DNAJC16: variants seen among roughly 807,000 people sequenced by gnomAD.
The protein encoded by DNAJC16 is dnaJ homolog subfamily C member 16.
In DNAJC16, 76 loss-of-function variants were observed where a neutral mutation model predicts 92.7. The ratio of observed to expected loss-of-function variants is 0.82; its 90% confidence interval spans 0.68 to 0.99. The LOEUF is 0.99. Among genes scored for constraint, DNAJC16 ranks in the 50% least tolerant of loss-of-function variants. The pLI is 0.00. For synonymous variants in DNAJC16, 328 were observed against 358.7 expected, an observed-to-expected ratio of 0.91 and a Z score of 0.97; for missense variants, 869 against 942.4, an observed-to-expected ratio of 0.92 and a Z score of 1.02.
rs1638797340 is a variant in DNAJC16, at chr1:15,566,011, G to A, written c.1679+12G>A. The A allele has an allele frequency of 3.1e-6, 5 of 1,613,762 alleles. No individual in the cohort carries two copies. The highest frequency in any genetic ancestry group is 1.7e-5 in the Admixed American group (1 of 59,938). ...GTTCAGGCTTTCAGGTAAATGTCCT[G>A]TGGCTTCTCGGTGCACCACCATGGT... On this transcript the variant is annotated intron_variant, in intron 12 of 14. Coordinates refer to ENST00000375847, the MANE Select transcript of DNAJC16 (RefSeq NM_015291.4).
Position 15,544,270 on chromosome 1 carries a change from ACAGTCTATTAGGAAAGACATCT to A in DNAJC16, c.575-127_575-106del, listed in dbSNP as rs1363205972. On this transcript the variant is annotated intron_variant, in intron 4 of 14. Transcript: ENST00000375847. ...AATTCCAGCAGTGAAAGAATGCTAG[ACAGTCTATTAGGAAAGACATCT>A]CCTATGAGGTCGGGATTTCAATTTC... 4.8e-5 allele frequency: 42 copies of A among 884,096 alleles called. No individual in the cohort carries two copies. In the African/African-American group the frequency reaches 6.1e-4, roughly 13 times the overall value. 54.8% of individuals were successfully genotyped at this position (884,096 alleles called of 1,614,324 possible).
At chr1:15,541,040 C>T (rs769832267) in intron 4 of DNAJC16, among the ~76,000 whole-genome samples, 1 of 152,194 alleles carries the variant, frequency 6.6e-6, no homozygotes. Context: ...GCCTCACCCT[C>T]CCCCAGCTTC....
chr1:15,552,771 T>A (rs1338479611), intron 7 of DNAJC16, among the ~76,000 whole-genome samples: 5 of 139,144 alleles, frequency 3.6e-5, no homozygotes, highest in Admixed American at 1.4e-4. Flanking sequence ...TTATTATTTA[T>A]TTTTTTTTTT....
intron 1 of DNAJC16, 62 bp from the exon 2 acceptor site, chr1:15,529,026 C>G (rs1710589665): frequency 1.1e-5 from 16 of 1,481,254 alleles, no homozygotes; most frequent in Non-Finnish European, 1.5e-5. Flanking sequence ...ATACCTTTAC[C>G]TAAAAAGCAA....
At chr1:15,566,236 T>C (rs1412296071) in intron 13 of DNAJC16, 56 bp downstream of exon 13, 1 of 1,392,896 alleles carries the variant, frequency 7.2e-7, no homozygotes, top group Non-Finnish European at 1.0e-6. Flanking sequence ...CCAGATCCTG[T>C]CATCTGATAA....
At chr1:15,552,608 AG>A (rs1455096677) in intron 7 of DNAJC16, among the ~76,000 whole-genome samples, 1 of 152,060 alleles carries the variant, frequency 6.6e-6, no homozygotes, top group Non-Finnish European at 1.5e-5. Context: ...TATAAGTGCA[AG>A]GAACACAGAT....
At chr1:15,555,094 G>A (rs562992576) in intron 7 of DNAJC16, among the ~76,000 whole-genome samples, 2 of 149,928 alleles carry the variant, frequency 1.3e-5, no homozygotes, top group East Asian at 2.0e-4. Context: ...AAAGAATGTA[G>A]GCCAGGCGCG....
At chr1:15,536,322 C>T (rs1377010722) in intron 3 of DNAJC16, among the ~76,000 whole-genome samples, 153 bp from the exon 4 acceptor site, 1 of 152,022 alleles carries the variant, frequency 6.6e-6, no homozygotes, top group Non-Finnish European at 1.5e-5. Context: ...TCAAGTGATC[C>T]ACCCGCCTCA....
intron 11 of DNAJC16, among the ~76,000 whole-genome samples, chr1:15,564,825 G>A (rs903293677): frequency 4.0e-5 from 6 of 150,036 alleles, no homozygotes; most frequent in East Asian, 2.0e-4. Flanking sequence ...CACTGCTCCC[G>A]GACATTTTTT....
At position 15,567,127 on chromosome 1, in the gene DNAJC16, G is replaced by GT; in HGVS notation, c.1808dup (p.Thr604AsnfsTer2). The GT allele has an allele frequency of 6.2e-7, 1 of 1,611,232 alleles. No homozygotes were observed. Among genetic ancestry groups the GT allele is most frequent in the Non-Finnish European group, 8.5e-7 (1 of 1,177,542 alleles). ...GATTCCTAAAAAAGGCTTTGTGGAG[G>GT]TAACTGAACTCACAGATGTAACATA... On this transcript the variant is annotated frameshift_variant, in exon 14 of 15. Coordinates refer to ENST00000375847, the MANE Select transcript of DNAJC16 (RefSeq NM_015291.4). LOFTEE classifies it high-confidence loss of function.
At chr1:15,552,349 C>T (rs1421332456) in intron 7 of DNAJC16, among the ~76,000 whole-genome samples, 2 of 150,492 alleles carry the variant, frequency 1.3e-5, no homozygotes, top group South Asian at 2.1e-4. Flanking sequence ...AATTAGCTGG[C>T]GTGGTGGCAT....
chr1:15,538,071 T>C (rs1339267391), intron 4 of DNAJC16, among the ~76,000 whole-genome samples: 6 of 152,098 alleles, frequency 3.9e-5, no homozygotes, highest in Non-Finnish European at 2.9e-5. Context: ...ATTACCTGGG[T>C]TTGGCAATTT....
chr1:15,540,437 C>T lies in DNAJC16; in HGVS notation c.574+3623C>T, dbSNP rs947072117. On this transcript the variant is annotated intron_variant, in intron 4 of 14. Transcript: ENST00000375847. Reference sequence around the variant, plus strand: ...ACGTAGCTAGGACTAGAGGCACACACGGGCATGCCCAGCTAACTTTTTTTT... The same window carrying T: ...ACGTAGCTAGGACTAGAGGCACACATGGGCATGCCCAGCTAACTTTTTTTT... 1.8e-4 allele frequency among the ~76,000 whole-genome samples: 27 copies of T among 152,332 alleles called. 1 individual carries two copies. Among genetic ancestry groups the T allele is most frequent in the East Asian group, 1.9e-4 (1 of 5,184 alleles).
intron 11 of DNAJC16, 100 bp downstream of exon 11, chr1:15,564,459 C>A: frequency 1.2e-6 from 1 of 806,914 alleles, no homozygotes; most frequent in Non-Finnish European, 2.2e-6. Flanking sequence ...TCAAGGTACA[C>A]TTGATGGGGC....
intron 5 of DNAJC16, 104 bp from the exon 6 acceptor site, chr1:15,546,663 G>A: frequency 1.2e-6 from 1 of 837,552 alleles, no homozygotes; most frequent in Non-Finnish European, 1.8e-6. Context: ...TTTATTTTTT[G>A]CAATCTTTTA....
rs774333530 is a variant in DNAJC16, at chr1:15,536,771, C to T, written c.531C>T (p.Ile177=). Residue 177 remains isoleucine (I), a synonymous_variant, in exon 4 of 15, where the codon ATC becomes ATT. Transcript: ENST00000375847. ...TSDWCFSCIH[I]EPVWKEVIQE... ...ATTGGTGCTTTAGCTGCATTCATAT[C>T]GAGCCTGTGTGGAAAGAAGTCATTC... 30 of 1,612,098 alleles carry T rather than the reference C, an allele frequency of 1.9e-5. No individual in the cohort carries two copies. Among genetic ancestry groups the T allele is most frequent in the African/African-American group, 5.3e-5 (4 of 74,828 alleles).
At chr1:15,542,743 A>G (rs891757308) in intron 4 of DNAJC16, among the ~76,000 whole-genome samples, 1 of 152,152 alleles carries the variant, frequency 6.6e-6, no homozygotes, top group African/African-American at 2.4e-5. Flanking sequence ...TTGATACCCA[A>G]TTGGTGTCTG....
rs1228211470 is a variant in DNAJC16 at position 15,548,298 on chromosome 1, T to A, written c.893T>A (p.Leu298Ter). ...KLTAFAYKDY[L>*]SFGYVYVGLR... ...ACTGCCTTTGCATACAAAGATTATTTATCATTTGGATATGTATATGTGGGT... is the reference window on the plus strand; with the variant it reads ...ACTGCCTTTGCATACAAAGATTATTAATCATTTGGATATGTATATGTGGGT... Residue 298 changes from leucine (L) to a stop codon, truncating the protein, a stop_gained, in exon 7 of 15, where the codon TTA (leucine) becomes TAA (stop). Transcript: ENST00000375847. LOFTEE classifies it high-confidence loss of function. 6.2e-7 allele frequency: 1 copy of A among 1,614,094 alleles called. No homozygotes were observed. Among genetic ancestry groups the A allele is most frequent in the Non-Finnish European group, 8.5e-7 (1 of 1,179,988 alleles).
At chr1:15,558,782 CA>C (rs1638626713) in intron 7 of DNAJC16, among the ~76,000 whole-genome samples, 1 of 152,196 alleles carries the variant, frequency 6.6e-6, no homozygotes, top group African/African-American at 2.4e-5. Flanking sequence ...ATAAAATGGT[CA>C]CACGGTTTTG....
Sources: gnomAD v4.1 joint callset for allele counts (sites outside exome capture counted in the v4.1 genomes callset) on GRCh38, gnomAD v4.1.1 for gene constraint, MANE v1.5 for transcripts, NCBI Gene and HGNC (gene_info 2026-07-23, HGNC 2026-07-21) for gene names.